The following PTPRG variants were observed in gnomAD, a reference collection of about 807,000 sequenced individuals.
The protein encoded by PTPRG is protein tyrosine phosphatase receptor type G.
In PTPRG, 102 loss-of-function variants were observed where a neutral mutation model predicts 165.3. The observed-to-expected ratio is 0.62, with a 90% confidence interval of 0.53 to 0.73. PTPRG has a LOEUF of 0.73. Among genes scored for constraint, PTPRG ranks in the 30% least tolerant of loss-of-function variants. The probability of loss-of-function intolerance (pLI) is 0.00; values close to 1 mark genes in which losing one functional copy is unlikely to be tolerated. For missense variants in PTPRG, 1,866 were observed against 1,861.4 expected, an observed-to-expected ratio of 1.00 and a Z score of -0.05; for synonymous variants, 675 against 669.5, an observed-to-expected ratio of 1.01 and a Z score of -0.13.
chr3:61,562,012 G>A lies in PTPRG; in HGVS notation c.-276G>A. The A allele has an allele frequency of 3.1e-6, 1 of 323,976 alleles. No homozygotes were observed. The highest frequency in any genetic ancestry group is 5.6e-6 in the Non-Finnish European group (1 of 178,174). 20.1% of individuals were successfully genotyped at this position (323,976 alleles called of 1,614,324 possible). On this transcript the variant is annotated 5_prime_UTR_variant, in exon 1 of 30. Coordinates refer to ENST00000474889, the MANE Select transcript of PTPRG (RefSeq NM_002841.4). ...CGGCCGCCGACTCCGCGCCCTGCCC[G>A]ATCGGCTCTCTCCTTTTTAAACGGA...
chr3:62,025,656 C>T (rs1575904926), intron 4 of PTPRG, among the ~76,000 whole-genome samples: 2 of 152,176 alleles, frequency 1.3e-5, no homozygotes, highest in African/African-American at 2.4e-5. Context: ...CAGGTATCTA[C>T]CTGTCCTTAA....
At chr3:61,742,579 T>G in intron 1 of PTPRG, 1 of 1,593,002 alleles carries the variant, frequency 6.3e-7, no homozygotes, top group Non-Finnish European at 8.5e-7. Context: ...CACAAGCTCA[T>G]CGGCTGTCAT....
At chr3:62,220,395 C>G (rs1700623793) in intron 13 of PTPRG, among the ~76,000 whole-genome samples, 1 of 152,166 alleles carries the variant, frequency 6.6e-6, no homozygotes, top group African/African-American at 2.4e-5. Flanking sequence ...GACTACTGGA[C>G]TAGTTCAAGA....
At chr3:62,126,751 G>A (rs1022408640) in intron 5 of PTPRG, among the ~76,000 whole-genome samples, 7 of 152,116 alleles carry the variant, frequency 4.6e-5, no homozygotes, top group Admixed American at 1.3e-4. Context: ...CATCTTTATC[G>A]GGATTTCATG....
intron 2 of PTPRG, among the ~76,000 whole-genome samples, chr3:61,848,433 G>A (rs79715316): frequency 0.077 from 11,710 of 152,228 alleles, 515 homozygotes; most frequent in Middle Eastern, 0.11. Context: ...TTCACATTCA[G>A]TGAGTCAGAA....
chr3:61,738,974 TTTTTTTTTTTTTTTTTG>T (rs981214956), intron 1 of PTPRG, among the ~76,000 whole-genome samples: 7 of 58,530 alleles, frequency 1.2e-4, no homozygotes, highest in East Asian at 3.5e-4. Flanking sequence ...TCTGTTGCTT[TTTTTTTTTTTTTTTTTG>T]TTTTTTTTTT....
chr3:62,232,666 C>T (rs572587042), intron 14 of PTPRG, among the ~76,000 whole-genome samples: 6 of 152,292 alleles, frequency 3.9e-5, no homozygotes, highest in African/African-American at 9.6e-5. Context: ...TTATGTACTT[C>T]GACCCCCACG....
intron 2 of PTPRG, chr3:61,753,586 T>G (rs1453611804): frequency 1.3e-5 from 2 of 153,046 alleles, no homozygotes; most frequent in Non-Finnish European, 2.5e-5. Context: ...AATTTGAGGG[T>G]TTTTTTTTTT....
chr3:61,931,976 A>G (rs561030182), intron 2 of PTPRG, among the ~76,000 whole-genome samples: 9 of 151,824 alleles, frequency 5.9e-5, no homozygotes, highest in African/African-American at 1.7e-4. Context: ...GGAATGGTCA[A>G]CCTTTATTGT....
chr3:61,818,399 A>G (rs1296853118), intron 2 of PTPRG, among the ~76,000 whole-genome samples: 2 of 152,132 alleles, frequency 1.3e-5, no homozygotes, highest in African/African-American at 4.8e-5. Flanking sequence ...AATGTCTCAG[A>G]AATTAAGAAT....
intron 2 of PTPRG, among the ~76,000 whole-genome samples, chr3:61,870,180 A>G (rs2037525667): frequency 6.6e-6 from 1 of 151,940 alleles, no homozygotes; most frequent in Non-Finnish European, 1.5e-5. Flanking sequence ...CCTTAGGACA[A>G]AAGGGTACAT....
At chr3:61,882,925 A>G (rs1412275390) in intron 2 of PTPRG, among the ~76,000 whole-genome samples, 1 of 152,128 alleles carries the variant, frequency 6.6e-6, no homozygotes, top group Non-Finnish European at 1.5e-5. Context: ...GGCCTCTGCC[A>G]TCTTGGCTGG....
chr3:61,983,378 GACA>G (rs1323164898), intron 2 of PTPRG, among the ~76,000 whole-genome samples: 15 of 152,088 alleles, frequency 9.9e-5, no homozygotes, highest in South Asian at 2.1e-4. Context: ...GTTAAAAGTA[GACA>G]ACAAAATGCA....
chr3:61,884,170 C>T (rs185628526), intron 2 of PTPRG, among the ~76,000 whole-genome samples: 1 of 152,108 alleles, frequency 6.6e-6, no homozygotes, highest in Non-Finnish European at 1.5e-5. Flanking sequence ...TGAGCCGTTT[C>T]TTTATCCCCC....
chr3:62,034,600 T>C (rs768554179), intron 4 of PTPRG, among the ~76,000 whole-genome samples: 3 of 152,206 alleles, frequency 2.0e-5, no homozygotes, highest in Admixed American at 2.0e-4. Flanking sequence ...GAGGTAGATA[T>C]CCATTAAAAT....
At chr3:61,883,558 C>T (rs2037947039) in intron 2 of PTPRG, among the ~76,000 whole-genome samples, 1 of 152,042 alleles carries the variant, frequency 6.6e-6, no homozygotes, top group South Asian at 2.1e-4. Context: ...ATGTAAGAGT[C>T]AATAAGAATT....
chr3:62,102,407 G>A (rs577158978), intron 5 of PTPRG, among the ~76,000 whole-genome samples: 19 of 151,602 alleles, frequency 1.3e-4, no homozygotes, highest in Non-Finnish European at 2.2e-4. Flanking sequence ...CCCGAGTAGC[G>A]TGGGACAGGT....
chr3:61,654,155 A>G (rs925338034), intron 1 of PTPRG, among the ~76,000 whole-genome samples: 1 of 152,056 alleles, frequency 6.6e-6, no homozygotes, highest in African/African-American at 2.4e-5. Context: ...TGTGAATAGC[A>G]TTTACCGTGG....
At chr3:62,050,770 C>T (rs1185947967) in intron 4 of PTPRG, among the ~76,000 whole-genome samples, 1 of 152,152 alleles carries the variant, frequency 6.6e-6, no homozygotes, top group African/African-American at 2.4e-5. Flanking sequence ...ATCTGTTTTT[C>T]TAGTGAGCTC....
Sources: allele counts gnomAD v4.1 joint callset (sites outside exome capture counted in the v4.1 genomes callset), GRCh38; gene constraint gnomAD v4.1.1; transcripts MANE v1.5; gene names NCBI Gene and HGNC (gene_info 2026-07-23, HGNC 2026-07-21).